The following HLCS variants were observed in gnomAD, a reference collection of about 807,000 sequenced individuals.
HLCS encodes the protein biotin--protein ligase.
A neutral mutation model predicts 75.0 loss-of-function variants in HLCS; 53 were observed. The observed-to-expected ratio is 0.71, with a 90% CI of 0.57 to 0.89. The LOEUF is 0.89. Ranked by LOEUF, HLCS falls within the 40% of genes least tolerant of loss-of-function variation. The pLI, the probability that HLCS is intolerant of heterozygous loss-of-function variation, is 0.00. For missense variants in HLCS, 966 were observed against 1,074.0 expected, an observed-to-expected ratio of 0.90 and a Z score of 1.41; for synonymous variants, 431 against 428.6, an observed-to-expected ratio of 1.01 and a Z score of -0.07.
chr21:36,754,178 A>G lies in HLCS; in HGVS notation c.*68T>C. ...AATTGGAGGAAAAGAAAATTCACCT[A>G]CAACTCTAAATTAGATTTCCAGATG... On this transcript the variant is annotated 3_prime_UTR_variant, in exon 11 of 11. Transcript: ENST00000674895. 1 of 1,470,234 alleles carries G rather than the reference A, an allele frequency of 6.8e-7. No individual in the cohort carries two copies. Among genetic ancestry groups the G allele is most frequent in the Non-Finnish European group, 9.5e-7 (1 of 1,058,060 alleles). 91.1% of individuals were successfully genotyped at this position (1,470,234 alleles called of 1,614,324 possible).
At chr21:36,875,889 G>A (rs2063954237) in intron 6 of HLCS, among the ~76,000 whole-genome samples, 2 of 152,198 alleles carry the variant, frequency 1.3e-5, no homozygotes, top group Admixed American at 1.3e-4. Flanking sequence ...CCCAAGCCAG[G>A]GCTGTGACAC....
chr21:36,895,587 T>C (rs765089350), intron 6 of HLCS, among the ~76,000 whole-genome samples: 32 of 152,212 alleles, frequency 2.1e-4, no homozygotes, highest in Non-Finnish European at 3.2e-4. Flanking sequence ...ATGCCTCCTC[T>C]AATACAACAC....
At chr21:36,985,636 C>T (rs1040447579) in intron 1 of HLCS, among the ~76,000 whole-genome samples, 1 of 152,104 alleles carries the variant, frequency 6.6e-6, no homozygotes, top group Admixed American at 6.6e-5. Context: ...CGTGGTAGTG[C>T]ACACCTGTAG....
intron 6 of HLCS, among the ~76,000 whole-genome samples, chr21:36,810,030 G>A (rs1010690464): frequency 2.3e-4 from 35 of 152,196 alleles, no homozygotes; most frequent in African/African-American, 7.5e-4. Flanking sequence ...GGCGTGAGCC[G>A]TGGCACCCAG....
intron 6 of HLCS, among the ~76,000 whole-genome samples, chr21:36,819,523 T>A (rs748205394): frequency 2.0e-5 from 3 of 152,218 alleles, no homozygotes; most frequent in Non-Finnish European, 2.9e-5. Context: ...AACAGTGTTA[T>A]CAGTCTAAAC....
rs894817703 is a variant in HLCS, at chr21:36,801,447, A to G, written c.1893-34162T>C. On this transcript the variant is annotated intron_variant, in intron 6 of 10. Transcript: ENST00000674895. ...GGAAAAAAACACAGGCATCTGTCTC[A>G]TAGTTCAATTTTAACAGGAATAAAA... 2.1e-4 allele frequency among the ~76,000 whole-genome samples: 32 copies of G among 152,250 alleles called. 1 individual carries two copies. The highest frequency in any genetic ancestry group is 7.5e-4 in the African/African-American group (31 of 41,466).
At chr21:36,985,297 C>T (rs1424654307) in intron 1 of HLCS, among the ~76,000 whole-genome samples, 1 of 152,238 alleles carries the variant, frequency 6.6e-6, no homozygotes, top group Non-Finnish European at 1.5e-5. Context: ...CCCTTTTAAT[C>T]TGGAATAGTT....
At chr21:36,888,483 T>A (rs1191138594) in intron 6 of HLCS, among the ~76,000 whole-genome samples, 36 of 125,922 alleles carry the variant, frequency 2.9e-4, no homozygotes, top group Non-Finnish European at 1.0e-4. Context: ...TATATATATA[T>A]ATATATATAT....
chr21:36,770,636 C>T (rs1213118720), intron 6 of HLCS, among the ~76,000 whole-genome samples: 1 of 150,316 alleles, frequency 6.7e-6, no homozygotes, highest in Non-Finnish European at 1.5e-5. Flanking sequence ...AGCTAGAGTG[C>T]AGTGACTCAC....
intron 6 of HLCS, among the ~76,000 whole-genome samples, chr21:36,798,936 C>G (rs1206572491): frequency 6.6e-6 from 1 of 152,120 alleles, no homozygotes; most frequent in Non-Finnish European, 1.5e-5. Context: ...TGTCCTTTGT[C>G]AGATATATGT....
chr21:36,828,894 AC>A (rs1228182619), intron 6 of HLCS, among the ~76,000 whole-genome samples: 1 of 152,202 alleles, frequency 6.6e-6, no homozygotes, highest in Non-Finnish European at 1.5e-5. Flanking sequence ...TTTTTGAACC[AC>A]CCATGGGAGA....
chr21:36,943,677 G>C (rs1325622437), intron 2 of HLCS, among the ~76,000 whole-genome samples: 3 of 152,042 alleles, frequency 2.0e-5, no homozygotes, highest in Non-Finnish European at 4.4e-5. Flanking sequence ...CCAGGAGCCA[G>C]GTGTGTTGAT....
chr21:36,876,395 G>A (rs1204993968), intron 6 of HLCS, among the ~76,000 whole-genome samples: 4 of 152,154 alleles, frequency 2.6e-5, no homozygotes, highest in African/African-American at 9.7e-5. Flanking sequence ...TCAACTTACA[G>A]CAAACTGGCA....
chr21:36,963,291 TATG>T (rs1333853393), intron 1 of HLCS, among the ~76,000 whole-genome samples: 2 of 152,052 alleles, frequency 1.3e-5, no homozygotes, highest in Non-Finnish European at 2.9e-5. Context: ...CTGAGCGGGG[TATG>T]CAGGAGGCTT....
intron 6 of HLCS, among the ~76,000 whole-genome samples, chr21:36,865,368 A>G (rs950060056): frequency 6.6e-6 from 1 of 152,120 alleles, no homozygotes; most frequent in Non-Finnish European, 1.5e-5. Flanking sequence ...GACCCCGAGA[A>G]AGGAGATGCA....
At chr21:36,880,639 G>A (rs762839352) in intron 6 of HLCS, among the ~76,000 whole-genome samples, 1 of 152,126 alleles carries the variant, frequency 6.6e-6, no homozygotes, top group Admixed American at 6.5e-5. Context: ...AGATTGCCAC[G>A]ACTTGCAGAA....
At chr21:36,869,879 G>A (rs557846724) in intron 6 of HLCS, among the ~76,000 whole-genome samples, 1 of 152,190 alleles carries the variant, frequency 6.6e-6, no homozygotes, top group East Asian at 1.9e-4. Context: ...ATCATTTTAT[G>A]AACAATAGGG....
At chr21:36,851,387 C>T (rs565956810) in intron 6 of HLCS, among the ~76,000 whole-genome samples, 10 of 152,288 alleles carry the variant, frequency 6.6e-5, no homozygotes, top group South Asian at 2.1e-4. Flanking sequence ...ACAACATGGA[C>T]GGAACTGGAG....
chr21:36,759,215 G>A (rs2145742208), intron 9 of HLCS: 2 of 471,006 alleles, frequency 4.2e-6, no homozygotes, highest in South Asian at 3.1e-5. Flanking sequence ...GGACTTCTGA[G>A]ATTGCCTCTG....
Sources: gnomAD v4.1 joint callset for allele counts (sites outside exome capture counted in the v4.1 genomes callset) on GRCh38, gnomAD v4.1.1 for gene constraint, MANE v1.5 for transcripts, NCBI Gene and HGNC (gene_info 2026-07-23, HGNC 2026-07-21) for gene names.